The following RALYL variants were observed in gnomAD, a reference collection of about 807,000 sequenced individuals.
RALYL encodes RALY RNA binding protein like.
In RALYL, 29 loss-of-function variants were observed where a neutral mutation model predicts 35.1. That is an observed-to-expected ratio of 0.83 (90% CI 0.61 to 1.13). The LOEUF is 1.13. RALYL is among the 50% of genes most tolerant of loss of function. RALYL has a pLI of 0.00. For synonymous variants in RALYL, 120 were observed against 127.6 expected (o/e 0.94, Z 0.40); for missense variants, 359 against 360.4 (o/e 1.00, Z 0.03).
At chr8:84,367,260 C>A (rs1478931641) in intron 1 of RALYL, among the ~76,000 whole-genome samples, 1 of 147,294 alleles carries the variant, frequency 6.8e-6, no homozygotes, top group African/African-American at 2.5e-5. Flanking sequence ...CTCAGCCTCC[C>A]GAGTAACTGG....
intron 5 of RALYL, among the ~76,000 whole-genome samples, chr8:84,852,662 T>C (rs1007096119): frequency 2.6e-5 from 4 of 152,188 alleles, no homozygotes; most frequent in Non-Finnish European, 5.9e-5. Context: ...CTCTACACCG[T>C]AGGAGACCCA....
At chr8:84,425,733 A>C (rs1240856109) in intron 1 of RALYL, among the ~76,000 whole-genome samples, 2 of 151,964 alleles carry the variant, frequency 1.3e-5, no homozygotes, top group Non-Finnish European at 2.9e-5. Context: ...TGATCAATCC[A>C]ACAATAGCAT....
chr8:84,599,117 G>T (rs1242543414), intron 2 of RALYL, among the ~76,000 whole-genome samples: 1 of 151,898 alleles, frequency 6.6e-6, no homozygotes, highest in Non-Finnish European at 1.5e-5. Context: ...AGATTATTTA[G>T]ATGTAAAAAT....
chr8:84,798,653 A>G (rs945672575), intron 3 of RALYL, among the ~76,000 whole-genome samples: 3 of 152,260 alleles, frequency 2.0e-5, no homozygotes, highest in African/African-American at 7.2e-5. Context: ...ATAGCTAAAA[A>G]GAACAGATCA....
chr8:84,479,613 G>A (rs551451557), intron 1 of RALYL, among the ~76,000 whole-genome samples: 32 of 152,110 alleles, frequency 2.1e-4, no homozygotes, highest in African/African-American at 7.7e-4. Context: ...CTATTATATC[G>A]TTGGTATATC....
intron 2 of RALYL, among the ~76,000 whole-genome samples, chr8:84,725,919 C>T (rs1589218400): frequency 6.6e-6 from 1 of 151,444 alleles, no homozygotes. Flanking sequence ...TTGAAATCAT[C>T]AGTTTCGTTT....
intron 1 of RALYL, among the ~76,000 whole-genome samples, chr8:84,510,982 T>A (rs2057570720): frequency 6.6e-6 from 1 of 152,216 alleles, no homozygotes; most frequent in Admixed American, 6.5e-5. Context: ...TACAATCATT[T>A]ATTATAGTCA....
At chr8:84,898,993 G>A (rs1248742857) in intron 8 of RALYL, among the ~76,000 whole-genome samples, 4 of 152,118 alleles carry the variant, frequency 2.6e-5, no homozygotes, top group African/African-American at 7.2e-5. Flanking sequence ...GATCCCTCAC[G>A]CATAGCACAG....
intron 1 of RALYL, among the ~76,000 whole-genome samples, chr8:84,507,763 G>C (rs1046596302): frequency 3.3e-5 from 5 of 152,132 alleles, no homozygotes; most frequent in Admixed American, 6.6e-5. Flanking sequence ...GGACACTGTT[G>C]TCAATAATTA....
chr8:84,860,207 T>C (rs973972916), intron 5 of RALYL, among the ~76,000 whole-genome samples: 1 of 152,244 alleles, frequency 6.6e-6, no homozygotes, highest in African/African-American at 2.4e-5. Flanking sequence ...CCTGTATTTT[T>C]ACTATAGCAC....
chr8:84,704,267 A>C (rs1156715462), intron 2 of RALYL, among the ~76,000 whole-genome samples: 4 of 152,132 alleles, frequency 2.6e-5, no homozygotes, highest in Non-Finnish European at 5.9e-5. Context: ...TCTACCAAAA[A>C]TATAAAAATT....
intron 1 of RALYL, among the ~76,000 whole-genome samples, chr8:84,295,292 A>G (rs1839547917): frequency 6.6e-6 from 1 of 152,118 alleles, no homozygotes; most frequent in South Asian, 2.1e-4. Context: ...GAGTGAGTCA[A>G]TGCCTGTTGA....
At chr8:84,268,881 G>A (rs1833800038) in intron 1 of RALYL, among the ~76,000 whole-genome samples, 1 of 152,148 alleles carries the variant, frequency 6.6e-6, no homozygotes, top group African/African-American at 2.4e-5. Context: ...TATCATATAT[G>A]AGAAAGAATT....
At chr8:84,385,337 T>C (rs1168786258) in intron 1 of RALYL, among the ~76,000 whole-genome samples, 1 of 151,802 alleles carries the variant, frequency 6.6e-6, no homozygotes, top group African/African-American at 2.4e-5. Context: ...GCAACCCAAA[T>C]TTCAGTTATA....
intron 1 of RALYL, among the ~76,000 whole-genome samples, chr8:84,290,417 A>G (rs1838541907): frequency 6.6e-6 from 1 of 151,910 alleles, no homozygotes; most frequent in Non-Finnish European, 1.5e-5. Flanking sequence ...AAAGGGAGAT[A>G]AGGGTGGGGC....
chr8:84,241,663 A>T (rs953384815), intron 1 of RALYL, among the ~76,000 whole-genome samples: 3 of 151,856 alleles, frequency 2.0e-5, no homozygotes, highest in Non-Finnish European at 4.4e-5. Flanking sequence ...CTGTAGTCCC[A>T]GCTACTCAGG....
chr8:84,482,078 A>C (rs1335133137), intron 1 of RALYL, among the ~76,000 whole-genome samples: 1 of 152,130 alleles, frequency 6.6e-6, no homozygotes, highest in Admixed American at 6.5e-5. Flanking sequence ...TGAAAGGAAA[A>C]TTGGTAAGTT....
chr8:84,352,144 G>A (rs1471123955), intron 1 of RALYL, among the ~76,000 whole-genome samples: 1 of 150,168 alleles, frequency 6.7e-6, no homozygotes, highest in East Asian at 1.9e-4. Context: ...TTCTTACTTT[G>A]TGGGGATATT....
At chr8:84,526,318 T>C (rs1488360446) in intron 1 of RALYL, among the ~76,000 whole-genome samples, 1 of 152,174 alleles carries the variant, frequency 6.6e-6, no homozygotes, top group African/African-American at 2.4e-5. Context: ...GTTTCTGGTT[T>C]AGTTGGATCA....
Sources: gnomAD v4.1 joint callset for allele counts (sites outside exome capture counted in the v4.1 genomes callset) on GRCh38, gnomAD v4.1.1 for gene constraint, MANE v1.5 for transcripts, NCBI Gene and HGNC (gene_info 2026-07-23, HGNC 2026-07-21) for gene names.